REC114: variants seen among roughly 807,000 people sequenced by gnomAD.
The protein encoded by REC114 is meiotic recombination protein REC114.
REC114 carries 27 observed loss-of-function variants against 31.3 expected under a neutral mutation model. The ratio of observed to expected loss-of-function variants is 0.86; its 90% CI spans 0.64 to 1.19. The LOEUF is 1.19. Ranked by LOEUF, REC114 falls within the 50% of genes most tolerant of loss-of-function variation. The pLI, the probability that REC114 is intolerant of heterozygous loss-of-function variation, is 0.00. For missense variants in REC114, 344 were observed against 326.9 expected, an observed-to-expected ratio of 1.05 and a Z score of -0.40; for synonymous variants, 134 against 127.7, an observed-to-expected ratio of 1.05 and a Z score of -0.33.
chr15:73,516,572 C>T (rs750991828), intron 2 of REC114, among the ~76,000 whole-genome samples: 3 of 152,040 alleles, frequency 2.0e-5, no homozygotes, highest in East Asian at 1.9e-4. Context: ...TTGATGAATG[C>T]GGTACTCCAT....
chr15:73,513,957 C>A (rs1300190365), intron 2 of REC114, among the ~76,000 whole-genome samples: 3 of 152,114 alleles, frequency 2.0e-5, no homozygotes, highest in African/African-American at 7.2e-5. Context: ...CCTCCTTGAA[C>A]TGTGGTGGGC....
chr15:73,492,379 A>G (rs550820087), intron 2 of REC114, among the ~76,000 whole-genome samples: 30 of 152,272 alleles, frequency 2.0e-4, no homozygotes, highest in African/African-American at 6.7e-4. Context: ...ATATATAACA[A>G]TCTATCCATT....
chr15:73,443,353 C>A lies in REC114; in HGVS notation c.159+9C>A. Reference sequence around the variant, plus strand: ...CCTGCCCCACATGGAAGGTGAGGCCCGAAGGCAGGAATATCCCTGAGGTGC... The same window carrying A: ...CCTGCCCCACATGGAAGGTGAGGCCAGAAGGCAGGAATATCCCTGAGGTGC... On this transcript the variant is annotated intron_variant, in intron 1 of 5. Coordinates refer to ENST00000331090, the MANE Select transcript of REC114 (RefSeq NM_001042367.2). 1 of 1,561,682 alleles carries A rather than the reference C, an allele frequency of 6.4e-7. No individual in the cohort carries two copies. The highest frequency in any genetic ancestry group is 1.4e-5 in the African/African-American group (1 of 73,740).
intron 2 of REC114, among the ~76,000 whole-genome samples, chr15:73,535,889 G>T (rs979312402): frequency 2.6e-5 from 4 of 151,334 alleles, no homozygotes; most frequent in African/African-American, 9.7e-5. Context: ...ACAACTATCT[G>T]ATCTTTGACA....
intron 3 of REC114, among the ~76,000 whole-genome samples, chr15:73,542,352 AAAAG>A (rs1894251740): frequency 1.3e-5 from 2 of 151,870 alleles, no homozygotes; most frequent in South Asian, 4.2e-4. Context: ...AAGAAAAAAA[AAAAG>A]AAAAAAGAAA....
At chr15:73,470,464 G>A (rs1893118654) in intron 1 of REC114, among the ~76,000 whole-genome samples, 1 of 152,078 alleles carries the variant, frequency 6.6e-6, no homozygotes, top group Non-Finnish European at 1.5e-5. Flanking sequence ...TCTTTCTGAA[G>A]ACATCTTTAT....
At chr15:73,540,078 T>A (rs1894217850) in intron 2 of REC114, among the ~76,000 whole-genome samples, 1 of 152,196 alleles carries the variant, frequency 6.6e-6, no homozygotes, top group Non-Finnish European at 1.5e-5. Context: ...ATGAAGAGAA[T>A]TCTTACTATG....
chr15:73,461,928 T>C (rs866010661), intron 1 of REC114, among the ~76,000 whole-genome samples: 11,277 of 137,658 alleles, frequency 0.082, 582 homozygotes, highest in East Asian at 0.13. Context: ...TTTTCTTTTT[T>C]TTTTTTTTTT....
At chr15:73,550,611 G>A (rs1206612161) in intron 3 of REC114, among the ~76,000 whole-genome samples, 1 of 152,152 alleles carries the variant, frequency 6.6e-6, no homozygotes, top group African/African-American at 2.4e-5. Context: ...TAGGGAATTA[G>A]AAGCTATGAA....
intron 3 of REC114, among the ~76,000 whole-genome samples, chr15:73,550,216 A>G (rs1894368851): frequency 1.3e-5 from 2 of 152,232 alleles, no homozygotes; most frequent in Admixed American, 1.3e-4. Context: ...TGTTATTGTT[A>G]TAATCTAGAT....
chr15:73,461,823 A>G (rs1289735155), intron 1 of REC114, among the ~76,000 whole-genome samples: 1 of 151,118 alleles, frequency 6.6e-6, no homozygotes, highest in Non-Finnish European at 1.5e-5. Context: ...CGAAGAGAAG[A>G]TGTAAACTTT....
At chr15:73,503,997 ATTTTTT>A (rs71137349) in intron 2 of REC114, among the ~76,000 whole-genome samples, 1 of 63,998 alleles carries the variant, frequency 1.6e-5, no homozygotes, top group Non-Finnish European at 2.9e-5. Context: ...TCCCATAGGA[ATTTTTT>A]TTTTTTTTTT....
At chr15:73,526,385 T>C (rs1894008312) in intron 2 of REC114, among the ~76,000 whole-genome samples, 1 of 152,234 alleles carries the variant, frequency 6.6e-6, no homozygotes, top group Non-Finnish European at 1.5e-5. Flanking sequence ...TTTGTTTCTT[T>C]TTCCCTCTTT....
chr15:73,557,267 A>G, intron 5 of REC114, among the ~76,000 whole-genome samples: 1 of 151,278 alleles, frequency 6.6e-6, no homozygotes, highest in Non-Finnish European at 1.5e-5. Flanking sequence ...TCAGGATTTC[A>G]CTGTGTTGGC....
At chr15:73,550,161 G>A (rs985534085) in intron 3 of REC114, among the ~76,000 whole-genome samples, 3 of 152,310 alleles carry the variant, frequency 2.0e-5, no homozygotes, top group East Asian at 1.9e-4. Context: ...AAACTAGGCA[G>A]AGTAGTAGAC....
chr15:73,543,678 A>ATT (rs1480593995), intron 3 of REC114, among the ~76,000 whole-genome samples: 1 of 151,822 alleles, frequency 6.6e-6, no homozygotes, highest in Non-Finnish European at 1.5e-5. Context: ...TTATTATTGG[A>ATT]TTTTTTTCTG....
intron 2 of REC114, among the ~76,000 whole-genome samples, chr15:73,474,536 A>G (rs537960165): frequency 5.9e-5 from 9 of 152,222 alleles, no homozygotes; most frequent in Non-Finnish European, 1.3e-4. Context: ...GGAACATATA[A>G]GGGAAAGTTA....
At chr15:73,513,622 C>T (rs1025835632) in intron 2 of REC114, among the ~76,000 whole-genome samples, 1,559 of 151,936 alleles carry the variant, frequency 0.01, 26 homozygotes, top group African/African-American at 0.036. Flanking sequence ...GATGGGTTTT[C>T]GGTGTGGATG....
chr15:73,516,203 C>A (rs904165751), intron 2 of REC114, among the ~76,000 whole-genome samples: 9 of 152,110 alleles, frequency 5.9e-5, no homozygotes, highest in African/African-American at 2.2e-4. Context: ...CCAGGCTAGT[C>A]TCGAACTCCT....
Sources: gnomAD v4.1 joint callset for allele counts (sites outside exome capture counted in the v4.1 genomes callset) on GRCh38, gnomAD v4.1.1 for gene constraint, MANE v1.5 for transcripts, NCBI Gene and HGNC (gene_info 2026-07-23, HGNC 2026-07-21) for gene names.